WDPCP: variants seen among roughly 807,000 people sequenced by gnomAD.
WDPCP encodes the protein WD repeat containing planar cell polarity effector, also known as WD repeat-containing and planar cell polarity effector protein fritz homolog.
In WDPCP, 71 loss-of-function variants were observed where a neutral mutation model predicts 93.1. That is an observed-to-expected ratio of 0.76 (90% CI 0.63 to 0.93). The LOEUF (loss-of-function observed/expected upper bound fraction) is 0.93. Ranked by LOEUF, WDPCP falls within the 40% of genes least tolerant of loss-of-function variation. The probability of loss-of-function intolerance (pLI) is 0.00; values close to 1 mark genes in which losing one functional copy is unlikely to be tolerated. For synonymous variants in WDPCP, 315 were observed against 315.0 expected, an observed-to-expected ratio of 1.00 and a Z score of 0.00; for missense variants, 844 against 887.4, an observed-to-expected ratio of 0.95 and a Z score of 0.62.
At chr2:63,405,581 G>GTGTGTGTGTGTGTGTGTGTGTGTC (rs1415564153) in intron 9 of WDPCP, among the ~76,000 whole-genome samples, 2 of 136,286 alleles carry the variant, frequency 1.5e-5, no homozygotes, top group African/African-American at 5.4e-5. Context: ...GTGTGTGTGT[G>GTGTGTGTGTGTGTGTGTGTGTGTC]TGTGTTGGCG....
upstream of WDPCP, among the ~76,000 whole-genome samples, chr2:63,829,092 T>C (rs1029795115): frequency 2.0e-5 from 3 of 152,072 alleles, no homozygotes; most frequent in Non-Finnish European, 2.9e-5. Context: ...AAATAAAACA[T>C]AAAAATGCAG....
chr2:63,634,391 T>C (rs909912533), intron 3 of WDPCP, among the ~76,000 whole-genome samples: 1 of 152,216 alleles, frequency 6.6e-6, no homozygotes, highest in Non-Finnish European at 1.5e-5. Context: ...ATTAAAGGCC[T>C]AAAGGGAGAA....
chr2:63,605,417 G>C (rs1709509746), intron 3 of WDPCP: 4 of 1,476,972 alleles, frequency 2.7e-6, no homozygotes, highest in Non-Finnish European at 2.8e-6. Flanking sequence ...GATTTGCACA[G>C]GTCACTCTAT....
chr2:63,669,297 A>G (rs1337282221), intron 2 of WDPCP, among the ~76,000 whole-genome samples: 1 of 152,136 alleles, frequency 6.6e-6, no homozygotes, highest in Admixed American at 6.5e-5. Flanking sequence ...CACAACATGG[A>G]TATGTGCTTA....
In WDPCP at chr2:63,344,513, T is replaced by C. The variant is rs185424862; in HGVS notation, c.1749-31202A>G. 1.6e-3 allele frequency among the ~76,000 whole-genome samples: 243 copies of C among 152,268 alleles called. 6 individuals carry two copies. The highest frequency in any genetic ancestry group is 0.015 in the Admixed American group (222 of 15,284). ...AGCCTGTGTCCAGCTCTGGGCATGG[T>C]GTTGTACACAATTCACTAACATATG... is the stretch of plus-strand genomic sequence containing the variant. On this transcript the variant is annotated intron_variant, in intron 12 of 17. Transcript: ENST00000272321.
intron 2 of WDPCP, among the ~76,000 whole-genome samples, chr2:63,727,849 T>A (rs1178633575): frequency 6.6e-6 from 1 of 152,204 alleles, no homozygotes; most frequent in Admixed American, 6.5e-5. Flanking sequence ...GAGGTGCTCA[T>A]AATAGTGGCA....
chr2:63,289,910 G>T (rs1684278390), intron 13 of WDPCP, among the ~76,000 whole-genome samples: 1 of 151,322 alleles, frequency 6.6e-6, no homozygotes, highest in Admixed American at 6.6e-5. Flanking sequence ...TTTACTGTTT[G>T]CAGGATATAT....
chr2:63,557,305 G>A (rs554655409), intron 1 of WDPCP, among the ~76,000 whole-genome samples: 3 of 152,202 alleles, frequency 2.0e-5, no homozygotes, highest in South Asian at 4.1e-4. Flanking sequence ...AAAATAAAAC[G>A]ATGAAGGAAA....
At chr2:63,216,058 C>T (rs1321603949) in intron 14 of WDPCP, among the ~76,000 whole-genome samples, 5 of 152,148 alleles carry the variant, frequency 3.3e-5, no homozygotes, top group African/African-American at 1.2e-4. Context: ...CAGGAAACAA[C>T]ATGTGCTGGA....
intron 9 of WDPCP, among the ~76,000 whole-genome samples, chr2:63,420,391 G>A (rs977750534): frequency 1.9e-4 from 23 of 120,152 alleles, no homozygotes; most frequent in Admixed American, 4.1e-4. Context: ...AAAATTAGCC[G>A]GCTATGGTGG....
chr2:63,789,812 C>T (rs959997082), intron 2 of WDPCP, among the ~76,000 whole-genome samples: 2 of 152,140 alleles, frequency 1.3e-5, no homozygotes, highest in African/African-American at 4.8e-5. Flanking sequence ...TATGGTTACT[C>T]ACCCTTCCCT....
chr2:63,690,878 T>C (rs1297185808), intron 2 of WDPCP, among the ~76,000 whole-genome samples: 1 of 152,136 alleles, frequency 6.6e-6, no homozygotes, highest in African/African-American at 2.4e-5. Flanking sequence ...AAGCAAAAGA[T>C]TGGAATTAAT....
chr2:63,310,536 G>A (rs940754247), intron 13 of WDPCP, among the ~76,000 whole-genome samples: 1 of 151,942 alleles, frequency 6.6e-6, no homozygotes, highest in Non-Finnish European at 1.5e-5. Context: ...AAAATCACAG[G>A]AACAATTTTA....
chr2:63,418,357 C>T (rs547354141), intron 9 of WDPCP, among the ~76,000 whole-genome samples: 3 of 152,200 alleles, frequency 2.0e-5, no homozygotes, highest in South Asian at 2.1e-4. Flanking sequence ...TAAATGACAA[C>T]GATCTGAACA....
Position 63,633,021 on chromosome 2 carries a change from C to A in WDPCP, n.488+17638G>T, listed in dbSNP as rs75567535. Among the ~76,000 whole-genome samples the A allele has an allele frequency of 2.7e-4, 41 of 152,228 alleles. No homozygotes were observed. The East Asian group carries it at 7.9e-3, about 29-fold the overall frequency. On this transcript the variant is annotated intron_variant and non_coding_transcript_variant, in intron 3 of 4. Coordinates refer to the WDPCP transcript ENST00000467687. Reference sequence around the variant, plus strand: ...ATACAAGGGAATCTTCATAAGGCTACCAGCAGGCTTCTCAGCAGAAACCTT... The same window carrying A: ...ATACAAGGGAATCTTCATAAGGCTAACAGCAGGCTTCTCAGCAGAAACCTT...
chr2:63,217,439 G>A (rs1419230703), intron 14 of WDPCP, among the ~76,000 whole-genome samples: 1 of 152,110 alleles, frequency 6.6e-6, no homozygotes, highest in African/African-American at 2.4e-5. Flanking sequence ...TGGAAAAGCT[G>A]GGTGTATTAG....
intron 14 of WDPCP, among the ~76,000 whole-genome samples, chr2:63,201,847 G>A (rs1675937734): frequency 6.6e-6 from 1 of 151,956 alleles, no homozygotes; most frequent in Admixed American, 6.6e-5. Context: ...AAAATTTTCT[G>A]TTTGGTAATT....
intron 1 of WDPCP, among the ~76,000 whole-genome samples, chr2:63,822,200 A>T (rs987811182): frequency 6.6e-6 from 1 of 152,084 alleles, no homozygotes; most frequent in African/African-American, 2.4e-5. Flanking sequence ...TTTAAAATAG[A>T]ATTTGAGACT....
At chr2:63,577,594 T>C (rs567577860) in intron 1 of WDPCP, among the ~76,000 whole-genome samples, 3 of 152,236 alleles carry the variant, frequency 2.0e-5, no homozygotes, top group African/African-American at 4.8e-5. Flanking sequence ...GCCTGTGAGA[T>C]TGCCAAAAAC....
Sources: allele counts gnomAD v4.1 joint callset (sites outside exome capture counted in the v4.1 genomes callset), GRCh38; gene constraint gnomAD v4.1.1; transcripts MANE v1.5; gene names NCBI Gene and HGNC (gene_info 2026-07-23, HGNC 2026-07-21).